RCL1: variants seen among roughly 807,000 people sequenced by gnomAD.
RCL1 encodes the protein RNA terminal phosphate cyclase like 1.
RCL1 carries 24 observed loss-of-function variants against 42.4 expected under a neutral mutation model. The ratio of observed to expected loss-of-function variants is 0.57; its 90% CI spans 0.41 to 0.80. The LOEUF is 0.80. RCL1 is among the 30% of genes least tolerant of loss of function. The probability of loss-of-function intolerance (pLI) is 0.00; values close to 1 mark genes in which losing one functional copy is unlikely to be tolerated. For synonymous variants in RCL1, 228 were observed against 177.3 expected, an observed-to-expected ratio of 1.29 and a Z score of -2.27; for missense variants, 578 against 467.9, an observed-to-expected ratio of 1.24 and a Z score of -2.17.
In RCL1 at chr9:4,798,415, G is replaced by T. The variant is rs141358593; in HGVS notation, c.136+5188G>T. Among the ~76,000 whole-genome samples the T allele has an allele frequency of 9.7e-4, 148 of 152,362 alleles. 2 individuals carry two copies. The highest frequency in any genetic ancestry group is 3.3e-3 in the African/African-American group (139 of 41,588). On this transcript the variant is annotated intron_variant, in intron 1 of 8. Transcript: ENST00000381750. ...TGCTACTACCCAGGATCCTGAGCAG[G>T]TCATGTAACTAAGCCTTAGTGTCTT...
intron 8 of RCL1, among the ~76,000 whole-genome samples, chr9:4,851,227 A>T (rs1410944925): frequency 6.6e-6 from 1 of 152,178 alleles, no homozygotes; most frequent in Non-Finnish European, 1.5e-5. Context: ...TCTCCTGTGA[A>T]AACAGTGTCC....
intron 1 of RCL1, among the ~76,000 whole-genome samples, chr9:4,816,215 G>T (rs1816371001): frequency 6.6e-6 from 1 of 151,922 alleles, no homozygotes; most frequent in Non-Finnish European, 1.5e-5. Context: ...TTATTTAATT[G>T]TTGATTCATT....
chr9:4,849,071 A>G (rs1817620268), intron 7 of RCL1, among the ~76,000 whole-genome samples: 1 of 150,834 alleles, frequency 6.6e-6, no homozygotes, highest in Admixed American at 6.6e-5. Flanking sequence ...AATTAACTCT[A>G]CATCTTCTAG....
intron 1 of RCL1, among the ~76,000 whole-genome samples, chr9:4,806,587 T>TACACACACACACACAC (rs71326137): frequency 5.2e-5 from 7 of 135,684 alleles, no homozygotes; most frequent in African/African-American, 2.0e-4. Flanking sequence ...CTACTTGATC[T>TACACACACACACACAC]ACACACACAC....
At chr9:4,839,865 T>A in intron 5 of RCL1, 1 of 985,508 alleles carries the variant, frequency 1.0e-6, no homozygotes, top group Non-Finnish European at 1.2e-6. Context: ...GTATGGTAAG[T>A]TCAAGTGGAG....
intron 3 of RCL1, chr9:4,827,265 C>T (rs988909457): frequency 2.1e-5 from 30 of 1,434,990 alleles, no homozygotes; most frequent in Non-Finnish European, 2.8e-5. Flanking sequence ...TTGTTGTTAC[C>T]TAAGAACCTT....
At chr9:4,842,721 C>G (rs1336712580) in intron 6 of RCL1, among the ~76,000 whole-genome samples, 4 of 152,164 alleles carry the variant, frequency 2.6e-5, no homozygotes, top group Non-Finnish European at 5.9e-5. Context: ...TTCCTTTACT[C>G]TCCCTTGTTG....
intron 8 of RCL1, among the ~76,000 whole-genome samples, chr9:4,854,419 C>T (rs534007388): frequency 1.3e-5 from 2 of 152,218 alleles, no homozygotes; most frequent in African/African-American, 2.4e-5. Flanking sequence ...TCTTTTCCCT[C>T]AACTTCCAGA....
chr9:4,842,453 A>C (rs1274682661), intron 6 of RCL1, among the ~76,000 whole-genome samples: 1 of 152,246 alleles, frequency 6.6e-6, no homozygotes, highest in African/African-American at 2.4e-5. Flanking sequence ...AGTCCAAAGC[A>C]ACAAAGCTGG....
At chr9:4,819,835 T>C (rs1309385741) in intron 1 of RCL1, among the ~76,000 whole-genome samples, 1 of 152,108 alleles carries the variant, frequency 6.6e-6, no homozygotes, top group Non-Finnish European at 1.5e-5. Flanking sequence ...ACACAGACTT[T>C]ATCAACTTTA....
At chr9:4,846,867 G>C (rs1042853032) in intron 7 of RCL1, among the ~76,000 whole-genome samples, 1 of 138,578 alleles carries the variant, frequency 7.2e-6, no homozygotes, top group Non-Finnish European at 1.6e-5. Context: ...AAAACATGCA[G>C]TTTAAATTAG....
intron 8 of RCL1, among the ~76,000 whole-genome samples, chr9:4,856,108 G>A (rs574318754): frequency 6.6e-5 from 10 of 152,356 alleles, no homozygotes; most frequent in Admixed American, 5.9e-4. Flanking sequence ...CAGATGCAGA[G>A]TGGGTGAGAT....
chr9:4,804,143 G>C (rs1843054745), intron 1 of RCL1: 1 of 152,658 alleles, frequency 6.6e-6, no homozygotes. Context: ...TGGTCGGGCA[G>C]GAAGAGTGGG....
chr9:4,803,404 A>G (rs1276843275), intron 1 of RCL1, among the ~76,000 whole-genome samples: 2 of 152,152 alleles, frequency 1.3e-5, no homozygotes, highest in Non-Finnish European at 2.9e-5. Flanking sequence ...GGTGATCTTC[A>G]TGCTTATATC....
At position 4,842,012 on chromosome 9, in the gene RCL1, C is replaced by T. The variant is rs577056218; in HGVS notation, c.710+655C>T. The stretch of plus-strand genomic sequence containing the variant: ...TTTCTTAAAATAGGAAAGTGTTAAA[C>T]ATACAGAAAAGATCAAAGAATAGTA... On this transcript the variant is annotated intron_variant, in intron 6 of 8. Transcript: ENST00000381750. 4.6e-5 allele frequency among the ~76,000 whole-genome samples: 7 copies of T among 152,312 alleles called. No individual in the cohort carries two copies. The South Asian group carries it at 1.4e-3, about 32-fold the overall frequency.
At chr9:4,817,396 T>C (rs1482077468) in intron 1 of RCL1, among the ~76,000 whole-genome samples, 1 of 152,112 alleles carries the variant, frequency 6.6e-6, no homozygotes, top group Non-Finnish European at 1.5e-5. Context: ...TCCTATCTTA[T>C]TTCCTTTTAC....
Position 4,823,571 on chromosome 9 carries a change from C to T in RCL1, c.160C>T (p.Leu54=). The change falls in exon 2 of 9, where the codon CTA becomes TTA. Residue 54 remains leucine (L), a synonymous_variant. Coordinates refer to ENST00000381750, the MANE Select transcript of RCL1 (RefSeq NM_005772.5). ...LRDFEASFIR[L]LDKITNGSRI... is the part of the protein sequence containing the mutation. ...AGATTTTGAAGCCAGCTTCATAAGG[C>T]TATTGGACAAAATAACGAATGGTTC... is the stretch of plus-strand genomic sequence containing the variant. 1 of 1,611,422 alleles carries T rather than the reference C, an allele frequency of 6.2e-7. No individual in the cohort carries two copies. The highest frequency in any genetic ancestry group is 1.1e-5 in the South Asian group (1 of 90,622).
At chr9:4,805,846 G>C (rs1815931187) in intron 1 of RCL1, among the ~76,000 whole-genome samples, 1 of 151,914 alleles carries the variant, frequency 6.6e-6, no homozygotes, top group South Asian at 2.1e-4. Context: ...GGGGAACTCA[G>C]AGTCTTTATT....
chr9:4,798,648 G>T (rs1243532520), intron 1 of RCL1, among the ~76,000 whole-genome samples: 1 of 152,206 alleles, frequency 6.6e-6, no homozygotes, highest in Non-Finnish European at 1.5e-5. Flanking sequence ...AATAAATCTG[G>T]CTGTTCCTAA....
Sources: allele counts gnomAD v4.1 joint callset (sites outside exome capture counted in the v4.1 genomes callset), GRCh38; gene constraint gnomAD v4.1.1; transcripts MANE v1.5; gene names NCBI Gene and HGNC (gene_info 2026-07-23, HGNC 2026-07-21).